Variants in PADI6 observed in about 807,000 individuals in gnomAD.
PADI6 encodes the protein inactive protein-arginine deiminase type-6.
In PADI6, 66 loss-of-function variants were observed where a neutral mutation model predicts 78.2. The observed-to-expected ratio is 0.84, with a 90% confidence interval of 0.69 to 1.04. PADI6 has a LOEUF of 1.04. Among genes scored for constraint, PADI6 ranks in the 50% least tolerant of loss-of-function variants. The pLI, the probability that PADI6 is intolerant of heterozygous loss-of-function variation, is 0.00. For missense variants in PADI6, 854 were observed against 866.1 expected (o/e 0.99, Z 0.18); for synonymous variants, 397 against 346.9 (o/e 1.14, Z -1.60).
chr1:17,388,762 C>T lies in PADI6; in HGVS notation c.859-15C>T, dbSNP rs940215213. 6.2e-7 allele frequency: 1 copy of T among 1,608,452 alleles called. No homozygotes were observed. On this transcript the variant is annotated splice_polypyrimidine_tract_variant and intron_variant, in intron 7 of 15. Transcript: ENST00000619609. ...TGTGGAAGCAGGTTGCTAACAGGAC[C>T]TTGTCTTGTTGCAGTCAATTCCAGA... is the stretch of plus-strand genomic sequence containing the variant.
intron 6 of PADI6, 97 bp from the exon 7 acceptor site, chr1:17,388,284 T>C (rs2075142844): frequency 8.5e-7 from 1 of 1,172,370 alleles, no homozygotes; most frequent in Non-Finnish European, 1.2e-6. Flanking sequence ...CTCACAGCCT[T>C]GCATCTGATA....
At chr1:17,373,337 CGTT>C (rs1222305596) in intron 2 of PADI6, 104 bp downstream of exon 2, 1 of 1,350,974 alleles carries the variant, frequency 7.4e-7, no homozygotes, top group Non-Finnish European at 1.0e-6. Flanking sequence ...CTGGGAAACA[CGTT>C]GTTTTGCACG....
Position 17,373,075 on chromosome 1 carries a change from C to T in PADI6, c.136C>T (p.Gln46Ter). The T allele has an allele frequency of 3.1e-6, 5 of 1,613,880 alleles. No homozygotes were observed. The highest frequency in any genetic ancestry group is 4.2e-6 in the Non-Finnish European group (5 of 1,179,790). The change falls in exon 2 of 16, where the codon CAG (glutamine) becomes TAG (stop). Residue 46 changes from glutamine to a stop codon, truncating the protein, a stop_gained. Transcript: ENST00000619609. LOFTEE classifies it high-confidence loss of function. ...DLSGCAPQKC[Q>*]CFTIHGSGRV... is the part of the protein sequence containing the mutation. ...AACCAGGTGTGCCCCCCAGAAGTGC[C>T]AGTGCTTCACCATCCATGGCTCTGG...
rs776828914 is a variant in PADI6 at position 17,394,474 on chromosome 1, G to A, written c.1337+20G>A. On this transcript the variant is annotated intron_variant, in intron 11 of 15. Transcript: ENST00000619609. ...CCCCAGGTGAGCCACAAAGCCAGAC[G>A]CCTCCAAATGAAAGGAAGGGACCAT... 66 of 1,607,448 alleles carry A rather than the reference G, an allele frequency of 4.1e-5. No individual in the cohort carries two copies. The highest frequency in any genetic ancestry group is 3.5e-4 in the Middle Eastern group (2 of 5,766).
chr1:17,384,461 C>T (rs959927674), intron 6 of PADI6, among the ~76,000 whole-genome samples: 1 of 151,522 alleles, frequency 6.6e-6, no homozygotes, highest in Non-Finnish European at 1.5e-5. Context: ...GAAGCCTGGC[C>T]AGGCGTGGTG....
intron 6 of PADI6, among the ~76,000 whole-genome samples, chr1:17,382,595 AG>A (rs2075083875): frequency 6.6e-6 from 1 of 152,178 alleles, no homozygotes; most frequent in Admixed American, 6.5e-5. Flanking sequence ...CTCTCCTGGG[AG>A]GCAGGTAGCA....
In PADI6 at chr1:17,380,800, TTC is replaced by T. The variant is rs755904618; in HGVS notation, c.436-243_436-242del. On this transcript the variant is annotated intron_variant, in intron 4 of 15. Transcript: ENST00000619609. Reference sequence around the variant, plus strand: ...TTTTCCAATTTGCCTCGGTCCCTGATTCTCTGACTCTGAAATATGAGGTAAGT... The same window carrying T: ...TTTTCCAATTTGCCTCGGTCCCTGATTCTGACTCTGAAATATGAGGTAAGT... Among the ~76,000 whole-genome samples, 15 of 152,150 alleles carry T rather than the reference TTC, an allele frequency of 9.9e-5. 1 individual carries two copies. The East Asian group carries it at 1.7e-3, about 18-fold the overall frequency.
At chr1:17,397,976 C>T (rs1006000027) in intron 14 of PADI6, among the ~76,000 whole-genome samples, 18 of 152,210 alleles carry the variant, frequency 1.2e-4, no homozygotes, top group African/African-American at 3.9e-4. Flanking sequence ...ACAGCAGTCC[C>T]GAGGATGGTG....
intron 15 of PADI6, among the ~76,000 whole-genome samples, chr1:17,399,503 G>A (rs777363230): frequency 1.6e-4 from 25 of 152,086 alleles, no homozygotes; most frequent in Non-Finnish European, 1.6e-4. Context: ...GCAGAGACAG[G>A]AGAATTGCTT....
chr1:17,385,376 A>G (rs567714007), intron 6 of PADI6, among the ~76,000 whole-genome samples: 2 of 152,284 alleles, frequency 1.3e-5, no homozygotes, highest in East Asian at 3.9e-4. Flanking sequence ...CAGTGTGTAT[A>G]AGAGAGGATG....
At chr1:17,391,698 C>A (rs1388055485) in intron 8 of PADI6, among the ~76,000 whole-genome samples, 3 of 152,194 alleles carry the variant, frequency 2.0e-5, no homozygotes, top group East Asian at 1.9e-4. Context: ...GCGTATAGTC[C>A]CAGCTACTGT....
intron 10 of PADI6, 40 bp from the exon 11 acceptor site, chr1:17,394,260 C>T (rs201076846): frequency 3.1e-6 from 5 of 1,604,582 alleles, no homozygotes; most frequent in Middle Eastern, 1.6e-4. Flanking sequence ...TAAAGCCATC[C>T]CCTACTAACA....
chr1:17,374,309 C>G (rs1028774296), intron 2 of PADI6, among the ~76,000 whole-genome samples: 1 of 151,986 alleles, frequency 6.6e-6, no homozygotes, highest in African/African-American at 2.4e-5. Flanking sequence ...CCCTGAGAGG[C>G]AAGTAGTGGA....
chr1:17,381,831 G>T, intron 5 of PADI6, 136 bp from the exon 6 acceptor site: 1 of 996,172 alleles, frequency 1.0e-6, no homozygotes, highest in Non-Finnish European at 1.5e-6. Flanking sequence ...TAATTCTTCG[G>T]GCCTGGGCCC....
At chr1:17,384,621 C>T (rs1490662592) in intron 6 of PADI6, among the ~76,000 whole-genome samples, 1 of 152,096 alleles carries the variant, frequency 6.6e-6, no homozygotes. Flanking sequence ...AGCTTGTAAT[C>T]CTAGCTACTC....
chr1:17,386,681 G>A (rs1019322480), intron 6 of PADI6, among the ~76,000 whole-genome samples: 2 of 152,180 alleles, frequency 1.3e-5, no homozygotes, highest in Non-Finnish European at 2.9e-5. Flanking sequence ...GAGTGGTCCC[G>A]GTGGGCCCAG....
chr1:17,393,951 A>AT, intron 9 of PADI6, 24 bp from the exon 10 acceptor site: 1 of 1,602,258 alleles, frequency 6.2e-7, no homozygotes, highest in East Asian at 2.2e-5. Flanking sequence ...ACTGGCAAAC[A>AT]ATCTGTCTTC....
chr1:17,379,132 T>TTTTTTTTTG (rs1557597630), intron 3 of PADI6, among the ~76,000 whole-genome samples: 3 of 136,176 alleles, frequency 2.2e-5, no homozygotes, highest in African/African-American at 1.0e-4. Context: ...TTTTTTTTTT[T>TTTTTTTTTG]AAGACGGAGT....
Position 17,397,479 on chromosome 1 carries a change from G to A in PADI6, c.1689+338G>A, listed in dbSNP as rs377216937. Among the ~76,000 whole-genome samples the A allele has an allele frequency of 2.0e-5, 3 of 152,116 alleles. No homozygotes were observed. The South Asian group carries it at 6.2e-4, about 32-fold the overall frequency. ...GGGTGGGACAGGGGCAGGGAGGAGCGCCATGGCATGTCGGGACCGTTGACA... is the reference window on the plus strand; with the variant it reads ...GGGTGGGACAGGGGCAGGGAGGAGCACCATGGCATGTCGGGACCGTTGACA... On this transcript the variant is annotated intron_variant, in intron 14 of 15. Coordinates refer to ENST00000619609, the MANE Select transcript of PADI6 (RefSeq NM_207421.4).
Sources: allele counts gnomAD v4.1 joint callset (sites outside exome capture counted in the v4.1 genomes callset), GRCh38; gene constraint gnomAD v4.1.1; transcripts MANE v1.5; gene names NCBI Gene and HGNC (gene_info 2026-07-23, HGNC 2026-07-21).